TENM4: variants seen among roughly 807,000 people sequenced by gnomAD.
TENM4 encodes teneurin-4.
TENM4 carries 82 observed loss-of-function variants against 243.3 expected under a neutral mutation model. The ratio of observed to expected loss-of-function variants is 0.34; its 90% CI spans 0.28 to 0.40. The LOEUF (loss-of-function observed/expected upper bound fraction) is 0.40. TENM4 is among the 10% of genes least tolerant of loss of function. The pLI is 1.00. For synonymous variants in TENM4, 1,412 were observed against 1,456.3 expected, an observed-to-expected ratio of 0.97 and a Z score of 0.69; for missense variants, 3,138 against 3,673.3, an observed-to-expected ratio of 0.85 and a Z score of 3.77.
chr11:78,885,050 A>G (rs754969005), intron 9 of TENM4, among the ~76,000 whole-genome samples: 63 of 152,356 alleles, frequency 4.1e-4, no homozygotes, highest in Non-Finnish European at 5.4e-4. Context: ...ACTACTCTAT[A>G]TCACACCTTT....
chr11:78,713,032 C>T (rs888402058), intron 25 of TENM4, among the ~76,000 whole-genome samples: 25 of 152,202 alleles, frequency 1.6e-4, no homozygotes, highest in Admixed American at 1.4e-3. Flanking sequence ...GCTAAATACA[C>T]GTTTTCTTAA....
At chr11:79,236,510 C>G (rs749130990) in intron 2 of TENM4, among the ~76,000 whole-genome samples, 2 of 152,176 alleles carry the variant, frequency 1.3e-5, no homozygotes, top group Non-Finnish European at 2.9e-5. Context: ...GCGCTGTGAT[C>G]TTCTCCCTGA....
At chr11:79,046,968 C>T (rs11237698) in intron 6 of TENM4, among the ~76,000 whole-genome samples, 10,577 of 152,104 alleles carry the variant, frequency 0.07, 1,147 homozygotes, top group African/African-American at 0.23. Flanking sequence ...CATCAAGACG[C>T]GATGAGAACC....
chr11:79,102,903 G>A (rs113164866), intron 4 of TENM4, among the ~76,000 whole-genome samples: 2,415 of 151,882 alleles, frequency 0.016, 49 homozygotes, highest in African/African-American at 0.053. Flanking sequence ...TTAAATAGCC[G>A]CCTGTGGCTT....
In TENM4 at chr11:78,812,194, T is replaced by C. The variant is rs916246254; in HGVS notation, c.1906A>G (p.Ser636Gly). ...PTNQCIDVACSNHGTCITGTC... is the reference protein window; with the variant it reads ...PTNQCIDVACGNHGTCITGTC... Reference sequence around the variant, plus strand: ...CCCGTGATGCAGGTGCCATGGTTGCTGCAGGCCACATCGATACACTGGTTG... The same window carrying C: ...CCCGTGATGCAGGTGCCATGGTTGCCGCAGGCCACATCGATACACTGGTTG... The change falls in exon 14 of 34, where the codon AGC becomes GGC. Residue 636 changes from serine (S) to glycine (G), a missense_variant. Around this residue, in one of 2 missense-constraint regions of TENM4, gnomAD observed 2,467 missense variants for 3,059.1 expected, o/e 0.81. Transcript: ENST00000278550. The C allele has an allele frequency of 2.6e-6, 4 of 1,551,764 alleles. No homozygotes were observed. The African/African-American group carries it at 5.5e-5, about 21-fold the overall frequency.
chr11:79,147,992 C>G (rs1211774792), intron 4 of TENM4, among the ~76,000 whole-genome samples: 1 of 152,088 alleles, frequency 6.6e-6, no homozygotes, highest in Non-Finnish European at 1.5e-5. Context: ...TTCCTACCTT[C>G]CTTGTTTTCA....
intron 6 of TENM4, among the ~76,000 whole-genome samples, chr11:78,928,301 C>A (rs564326988): frequency 2.0e-5 from 3 of 152,240 alleles, no homozygotes; most frequent in African/African-American, 7.2e-5. Flanking sequence ...TTTGAGAGGG[C>A]AATATCATAC....
chr11:78,951,196 G>A (rs547365965), intron 6 of TENM4, among the ~76,000 whole-genome samples: 4 of 152,354 alleles, frequency 2.6e-5, no homozygotes, highest in East Asian at 3.9e-4. Flanking sequence ...CCCTGTCTGC[G>A]CAGAGGACTG....
intron 6 of TENM4, among the ~76,000 whole-genome samples, chr11:78,939,969 T>C (rs1220272247): frequency 1.3e-5 from 2 of 151,802 alleles, no homozygotes; most frequent in Non-Finnish European, 2.9e-5. Flanking sequence ...TAAAGTAACA[T>C]GTTTTCCCTA....
Position 79,139,742 on chromosome 11 carries a change from A to AGT in TENM4, c.-66+8967_-66+8968insAC, listed in dbSNP as rs1457769654. 9.6e-3 allele frequency among the ~76,000 whole-genome samples: 384 copies of AGT among 39,954 alleles called. 72 individuals carry two copies. Among genetic ancestry groups the AGT allele is most frequent in the African/African-American group, 0.015 (190 of 12,600 alleles). 26.2% of individuals were successfully genotyped at this position (39,954 alleles called of 152,430 possible). On this transcript the variant is annotated intron_variant, in intron 4 of 33. Transcript: ENST00000278550. The stretch of plus-strand genomic sequence containing the variant: ...ATAAAATATATATTATATTTATATA[A>AGT]ATATATAATATATATTATATTTATA...
At chr11:78,671,097 C>T (rs12793096) in intron 31 of TENM4, among the ~76,000 whole-genome samples, 100,896 of 152,168 alleles carry the variant, frequency 0.66, 34,361 homozygotes, top group Non-Finnish European at 0.71. Context: ...GCTTACAGCA[C>T]GAAGACCATA....
chr11:78,702,339 T>G lies in TENM4; in HGVS notation c.4274A>C (p.Asp1425Ala). 1 of 1,613,972 alleles carries G rather than the reference T, an allele frequency of 6.2e-7. No homozygotes were observed. The highest frequency in any genetic ancestry group is 1.7e-5 in the Admixed American group (1 of 60,022). ...NPMDNSLYVL[D>A]NNVVLQISEN... The stretch of plus-strand genomic sequence containing the variant: ...AGAGATTTGCAGGACCACATTGTTG[T>G]CGAGGACATAAAGTGAGTTGTCCAT... The change falls in exon 28 of 34, where the codon GAC (aspartate) becomes GCC (alanine). Residue 1425 changes from aspartate to alanine, a missense_variant. Physicochemically the swap from Asp to Ala is moderately radical, Grantham distance 126. Coordinates refer to ENST00000278550, the MANE Select transcript of TENM4 (RefSeq NM_001098816.3).
At chr11:79,410,436 C>T (rs550459270) in intron 1 of TENM4, among the ~76,000 whole-genome samples, 3 of 152,218 alleles carry the variant, frequency 2.0e-5, no homozygotes, top group Non-Finnish European at 2.9e-5. Context: ...ATCCCCATCA[C>T]CTAGAACTGT....
chr11:78,874,447 T>C (rs1385552565), intron 9 of TENM4, among the ~76,000 whole-genome samples: 2 of 152,312 alleles, frequency 1.3e-5, no homozygotes, highest in African/African-American at 4.8e-5. Flanking sequence ...ATACACAGAC[T>C]GTTACAAAGA....
At chr11:79,283,608 C>G (rs981597700) in intron 2 of TENM4, among the ~76,000 whole-genome samples, 2 of 152,144 alleles carry the variant, frequency 1.3e-5, no homozygotes, top group Non-Finnish European at 2.9e-5. Flanking sequence ...TAACATTCTA[C>G]TTAATGGTGA....
At chr11:78,728,296 T>A (rs184571354) in intron 22 of TENM4, among the ~76,000 whole-genome samples, 1 of 152,300 alleles carries the variant, frequency 6.6e-6, no homozygotes, top group Admixed American at 6.5e-5. Context: ...TGGGAAGTCA[T>A]CTCAATTCTC....
At chr11:79,140,836 G>A (rs1263243036) in intron 4 of TENM4, among the ~76,000 whole-genome samples, 3 of 152,070 alleles carry the variant, frequency 2.0e-5, no homozygotes, top group Non-Finnish European at 2.9e-5. Context: ...GTGCAGTGGC[G>A]TTTCTGCTGC....
At chr11:78,921,899 C>T (rs1856456144) in intron 6 of TENM4, among the ~76,000 whole-genome samples, 1 of 152,184 alleles carries the variant, frequency 6.6e-6, no homozygotes, top group Admixed American at 6.5e-5. Context: ...TGTCCAAGAT[C>T]ATGTGATAGG....
chr11:79,305,020 G>C (rs972331250), intron 1 of TENM4, among the ~76,000 whole-genome samples: 2 of 152,248 alleles, frequency 1.3e-5, no homozygotes, highest in Non-Finnish European at 2.9e-5. Context: ...AAGGAAGTCA[G>C]CTCTTCTTGA....
Sources: allele counts gnomAD v4.1 joint callset (sites outside exome capture counted in the v4.1 genomes callset), GRCh38; gene constraint gnomAD v4.1.1; regional missense constraint gnomAD v4.1.1; transcripts MANE v1.5; gene names NCBI Gene and HGNC (gene_info 2026-07-23, HGNC 2026-07-21).